CELF2: variants seen among roughly 807,000 people sequenced by gnomAD.
The protein encoded by CELF2 is CUGBP Elav-like family member 2.
A neutral mutation model predicts 62.6 loss-of-function variants in CELF2; 8 were observed. The observed-to-expected ratio is 0.13, with a 90% CI of 0.07 to 0.23. The LOEUF (loss-of-function observed/expected upper bound fraction) is 0.23. Among genes scored for constraint, CELF2 ranks in the 10% least tolerant of loss-of-function variants. CELF2 has a pLI of 1.00. For missense variants in CELF2, 333 were observed against 671.0 expected (o/e 0.50, Z 5.56); for synonymous variants, 258 against 250.0 (o/e 1.03, Z -0.30).
the CELF2 span, among the ~76,000 whole-genome samples, chr10:10,669,387 G>T: frequency 6.6e-6 from 1 of 152,198 alleles, no homozygotes; most frequent in Non-Finnish European, 1.5e-5. Flanking sequence ...GAATTATACT[G>T]CACAGGTGGA....
chr10:10,830,821 C>G (rs1358490139), intron 1 of CELF2, among the ~76,000 whole-genome samples: 1 of 152,118 alleles, frequency 6.6e-6, no homozygotes, highest in Non-Finnish European at 1.5e-5. Flanking sequence ...TTTTGGTTGC[C>G]TAGCTGCAAA....
In CELF2 at chr10:10,931,845, G is replaced by A. The variant is rs2066094514; in HGVS notation, c.89+11846G>A. Among the ~76,000 whole-genome samples the A allele has an allele frequency of 6.6e-6, 1 of 152,142 alleles. No homozygotes were observed. The highest frequency in any genetic ancestry group is 2.4e-5 in the African/African-American group (1 of 41,436). Reference sequence around the variant, plus strand: ...GTTTAATGGACTCACAGTTCCACATGGCTAGGGAGGCCTCACAACCATGGC... The same window carrying A: ...GTTTAATGGACTCACAGTTCCACATAGCTAGGGAGGCCTCACAACCATGGC... On this transcript the variant is annotated intron_variant, in intron 2 of 13. Transcript: ENST00000636488. This position sits in a 1 kb window ranked among gnomAD's most constrained non-coding sequence, Gnocchi z 6.1.
chr10:10,883,200 C>G (rs1333696580), intron 1 of CELF2, among the ~76,000 whole-genome samples: 1 of 152,092 alleles, frequency 6.6e-6, no homozygotes, highest in Non-Finnish European at 1.5e-5. Flanking sequence ...TAGAGCTTAG[C>G]AAATTAACAC....
rs1005688861 is a variant in CELF2, at chr10:11,191,674, T to C, written c.272-25751T>C. Among the ~76,000 whole-genome samples the C allele has an allele frequency of 2.0e-5, 3 of 152,180 alleles. No individual in the cohort carries two copies. Among genetic ancestry groups the C allele is most frequent in the Non-Finnish European group, 4.4e-5 (3 of 68,020 alleles). ...ATGTTACACGTCCTGGCCTCCTCCCTGCAGAAGATGAGGCTTATTCCCAGT... is the reference window on the plus strand; with the variant it reads ...ATGTTACACGTCCTGGCCTCCTCCCCGCAGAAGATGAGGCTTATTCCCAGT... On this transcript the variant is annotated intron_variant, in intron 2 of 12. Transcript: ENST00000633077. This position sits in a 1 kb window ranked among gnomAD's most constrained non-coding sequence, Gnocchi z 4.1.
chr10:10,644,178 T>A, the CELF2 span, among the ~76,000 whole-genome samples: 1 of 152,176 alleles, frequency 6.6e-6, no homozygotes, highest in Admixed American at 6.5e-5. Flanking sequence ...ATAAATAGAA[T>A]CTGTACTGCC....
the CELF2 span, among the ~76,000 whole-genome samples, chr10:10,500,528 C>T: frequency 3.3e-5 from 5 of 152,204 alleles, no homozygotes; most frequent in East Asian, 7.7e-4. Context: ...CAAATTCTCT[C>T]TTGCCTGCCG....
chr10:11,229,779 A>G (rs944889283), intron 3 of CELF2, among the ~76,000 whole-genome samples: 2 of 152,110 alleles, frequency 1.3e-5, no homozygotes, highest in African/African-American at 4.8e-5. Context: ...TAGCAGAGAC[A>G]GGGTTTTGCC....
chr10:11,173,195 G>A (rs1266419800), intron 2 of CELF2, among the ~76,000 whole-genome samples: 9 of 152,164 alleles, frequency 5.9e-5, no homozygotes, highest in African/African-American at 1.4e-4. Flanking sequence ...CTACCATACC[G>A]TGGGGGCATT....
intron 2 of CELF2, among the ~76,000 whole-genome samples, chr10:11,167,368 A>ATG (rs2067527931): frequency 6.6e-6 from 1 of 152,254 alleles, no homozygotes; most frequent in African/African-American, 2.4e-5. Flanking sequence ...TATGCTTTAG[A>ATG]GAAATAACCA....
chr10:11,197,023 A>AG (rs1565230572), intron 2 of CELF2, among the ~76,000 whole-genome samples: 147 of 9,320 alleles, frequency 0.016, 22 homozygotes, highest in African/African-American at 0.052. Flanking sequence ...AAAGAAAGAA[A>AG]GAAAAGAAAG....
the CELF2 span, among the ~76,000 whole-genome samples, chr10:10,572,322 TCGG>T: frequency 2.6e-5 from 4 of 151,024 alleles, no homozygotes; most frequent in East Asian, 7.9e-4. Flanking sequence ...CAGTTTTTGT[TCGG>T]TTGGTTTTTT....
Position 10,990,690 on chromosome 10 carries a change from A to G in CELF2, c.89+70691A>G, listed in dbSNP as rs1006713422. Among the ~76,000 whole-genome samples the G allele has an allele frequency of 1.3e-5, 2 of 152,220 alleles. No homozygotes were observed. Among genetic ancestry groups the G allele is most frequent in the Admixed American group, 6.5e-5 (1 of 15,268 alleles). On this transcript the variant is annotated intron_variant, in intron 2 of 13. Transcript: ENST00000636488. This position sits in a 1 kb window ranked among gnomAD's most constrained non-coding sequence, Gnocchi z 4.6. Reference sequence around the variant, plus strand: ...TAAATAAAGGCTAAAAAAGATAATGATCTTCCAGAGATTTGTAGATAAATA... The same window carrying G: ...TAAATAAAGGCTAAAAAAGATAATGGTCTTCCAGAGATTTGTAGATAAATA...
intron 1 of CELF2, among the ~76,000 whole-genome samples, chr10:10,809,693 G>T (rs2055639586): frequency 6.6e-6 from 1 of 152,106 alleles, no homozygotes; most frequent in African/African-American, 2.4e-5. Context: ...TTCTAAGTTT[G>T]CAAGTAACTG....
chr10:10,908,161 G>A (rs895918413), intron 1 of CELF2, among the ~76,000 whole-genome samples: 8 of 151,250 alleles, frequency 5.3e-5, no homozygotes, highest in South Asian at 2.1e-4. Flanking sequence ...ACTCCTTTGC[G>A]GAATGAGGGC....
chr10:10,958,349 A>T (rs2049119203), intron 2 of CELF2, among the ~76,000 whole-genome samples: 1 of 152,222 alleles, frequency 6.6e-6, no homozygotes, highest in Admixed American at 6.5e-5. Flanking sequence ...AAAGGGGAAA[A>T]TAGAACAAAC....
At chr10:10,506,269 C>CAT in the CELF2 span, among the ~76,000 whole-genome samples, 2 of 146,714 alleles carry the variant, frequency 1.4e-5, no homozygotes, top group Non-Finnish European at 3.0e-5. Flanking sequence ...AGATGCACTT[C>CAT]GTGTGTGTGT....
rs1300645431 is a variant in CELF2, at chr10:11,118,932, A to G, written c.75-46554A>G. Among the ~76,000 whole-genome samples, 4 of 152,314 alleles carry G rather than the reference A, an allele frequency of 2.6e-5. No individual in the cohort carries two copies. The East Asian group carries it at 7.7e-4, about 29-fold the overall frequency. ...CTCCTGTGTCACTCTCTGTGAAATG[A>G]GGATGGAGGAGCCCTGCTCCCCTGC... On this transcript the variant is annotated intron_variant, in intron 1 of 12. Transcript: ENST00000633077.
At chr10:10,942,775 AT>A (rs1356920101) in intron 2 of CELF2, among the ~76,000 whole-genome samples, 2 of 152,178 alleles carry the variant, frequency 1.3e-5, no homozygotes, top group African/African-American at 4.8e-5. Flanking sequence ...ATGGAGAGTT[AT>A]TTTTGATGCA....
chr10:10,540,286 G>C, the CELF2 span, among the ~76,000 whole-genome samples: 64 of 152,140 alleles, frequency 4.2e-4, 2 homozygotes, highest in African/African-American at 2.4e-5. Flanking sequence ...GAACAGGTTC[G>C]ACTGAGCATG....
Sources: allele counts gnomAD v4.1 joint callset (sites outside exome capture counted in the v4.1 genomes callset), GRCh38; gene constraint gnomAD v4.1.1; non-coding constraint Gnocchi (gnomAD v3.1); transcripts MANE v1.5; gene names NCBI Gene and HGNC (gene_info 2026-07-23, HGNC 2026-07-21).